Variants in KLHL28 observed in about 807,000 individuals in gnomAD.
KLHL28 encodes the protein kelch-like protein 28.
KLHL28 carries 22 observed loss-of-function variants against 48.3 expected under a neutral mutation model. The observed-to-expected ratio is 0.46, with a 90% confidence interval of 0.33 to 0.65. The LOEUF is 0.65. KLHL28 is among the 30% of genes least tolerant of loss of function. The probability of loss-of-function intolerance (pLI) is 0.03; values close to 1 mark genes in which losing one functional copy is unlikely to be tolerated. For synonymous variants in KLHL28, 243 were observed against 242.4 expected (o/e 1.00, Z -0.02); for missense variants, 527 against 704.3 (o/e 0.75, Z 2.85).
At chr14:44,948,333 G>C (rs555997230) in intron 1 of KLHL28, among the ~76,000 whole-genome samples, 3 of 152,216 alleles carry the variant, frequency 2.0e-5, no homozygotes, top group African/African-American at 7.2e-5. Context: ...TTGTACTACA[G>C]TAGTACTATG....
chr14:44,954,962 A>C (rs1355063060), intron 1 of KLHL28, among the ~76,000 whole-genome samples: 1 of 152,208 alleles, frequency 6.6e-6, no homozygotes, highest in Non-Finnish European at 1.5e-5. Flanking sequence ...TATATATCTT[A>C]TGCTGTTTTC....
At chr14:44,942,076 T>A (rs74908616) in intron 2 of KLHL28, among the ~76,000 whole-genome samples, 1 of 152,178 alleles carries the variant, frequency 6.6e-6, no homozygotes, top group African/African-American at 2.4e-5. Context: ...CCAGCTACCA[T>A]AGAATATCCT....
In KLHL28 at chr14:44,945,271, A is replaced by G. The variant is rs1024244397; in HGVS notation, c.658T>C (p.Leu220=). The part of the protein sequence containing the change: ...VQERQKYLAQ[L]LNSVRLPLLS... ...AATGGTAATCGTACACTGTTTAGTA[A>G]CTGTGCTAAGTATTTCTGGCGTTCT... Residue 220 remains leucine (L), a synonymous_variant, in exon 2 of 5, where the codon TTA becomes CTA. Transcript: ENST00000396128. 3 of 1,614,166 alleles carry G rather than the reference A, an allele frequency of 1.9e-6. No homozygotes were observed. In the Admixed American group the frequency reaches 5.0e-5, roughly 27 times the overall value.
chr14:44,929,975 T>C (rs1352300944), intron 4 of KLHL28, among the ~76,000 whole-genome samples: 1 of 152,144 alleles, frequency 6.6e-6, no homozygotes, highest in Non-Finnish European at 1.5e-5. Flanking sequence ...AATCATTTTA[T>C]GAGGTTTTCA....
intron 1 of KLHL28, among the ~76,000 whole-genome samples, chr14:44,955,084 G>A (rs1322084766): frequency 6.6e-6 from 1 of 151,944 alleles, no homozygotes; most frequent in Non-Finnish European, 1.5e-5. Context: ...CAACCCTAGG[G>A]TCACTGTGAT....
At position 44,934,363 on chromosome 14, in the gene KLHL28, A is replaced by G. The variant is rs774045666; in HGVS notation, c.1095T>C (p.Thr365=). 20 of 1,614,030 alleles carry G rather than the reference A, an allele frequency of 1.2e-5. No homozygotes were observed. In the South Asian group the frequency reaches 1.3e-4, roughly 11 times the overall value. Residue 365 remains threonine (T), a synonymous_variant, in exon 3 of 5, where the codon ACT becomes ACC. Transcript: ENST00000396128. The part of the protein sequence containing the change: ...SVECWNPDTN[T]WTSLERMNES... ...CATTCATTCTCTCTAGAGAAGTCCA[A>G]GTATTTGTATCAGGATTCCAGCATT...
At chr14:44,947,590 A>C (rs1461712689) in intron 1 of KLHL28, among the ~76,000 whole-genome samples, 1 of 152,210 alleles carries the variant, frequency 6.6e-6, no homozygotes, top group Non-Finnish European at 1.5e-5. Context: ...GGCAATAACG[A>C]AAAAGTACAT....
intron 3 of KLHL28, among the ~76,000 whole-genome samples, chr14:44,933,777 GCAATA>G (rs1246277925): frequency 1.3e-5 from 2 of 152,072 alleles, no homozygotes; most frequent in Non-Finnish European, 2.9e-5. Context: ...ATTCTATTAA[GCAATA>G]CAATAAAAGA....
intron 1 of KLHL28, among the ~76,000 whole-genome samples, chr14:44,951,069 C>T (rs1018020284): frequency 2.6e-5 from 4 of 152,176 alleles, no homozygotes; most frequent in Non-Finnish European, 5.9e-5. Context: ...ATCCTTGTCC[C>T]GCACATCAAA....
chr14:44,930,837 T>A (rs536829490), intron 4 of KLHL28, among the ~76,000 whole-genome samples: 1 of 152,184 alleles, frequency 6.6e-6, no homozygotes, highest in Non-Finnish European at 1.5e-5. Context: ...AGTTCAAAGA[T>A]AACAATTTTT....
At chr14:44,948,252 T>C (rs1025792780) in intron 1 of KLHL28, among the ~76,000 whole-genome samples, 6 of 152,184 alleles carry the variant, frequency 3.9e-5, no homozygotes, top group African/African-American at 1.4e-4. Context: ...TATTCAGGTA[T>C]TAATGTAGCT....
intron 2 of KLHL28, among the ~76,000 whole-genome samples, chr14:44,934,785 C>T (rs1883738713): frequency 6.6e-6 from 1 of 152,166 alleles, no homozygotes; most frequent in Admixed American, 6.5e-5. Flanking sequence ...GTATAAATTA[C>T]TCTGGAAAAC....
chr14:44,958,813 T>A (rs999547562), intron 1 of KLHL28, among the ~76,000 whole-genome samples: 63 of 152,094 alleles, frequency 4.1e-4, no homozygotes, highest in Non-Finnish European at 7.1e-4. Context: ...GTAATTAATA[T>A]GTAATACAAG....
At chr14:44,953,185 ATC>A (rs1358007057) in intron 1 of KLHL28, among the ~76,000 whole-genome samples, 1 of 152,238 alleles carries the variant, frequency 6.6e-6, no homozygotes, top group Non-Finnish European at 1.5e-5. Flanking sequence ...TAAAGGTGGA[ATC>A]TCTGCGAGGG....
rs1273562417 is a variant in KLHL28 at position 44,951,790 on chromosome 14, G to A, written c.1-5862C>T. On this transcript the variant is annotated intron_variant, in intron 1 of 4. Transcript: ENST00000396128. ...CAACTAGCAACTTCAACAAGGCAAG[G>A]TAAAAATAGGGAACTTAAAATGAAT... Among the ~76,000 whole-genome samples, 42 of 152,164 alleles carry A rather than the reference G, an allele frequency of 2.8e-4. 2 individuals carry two copies. Among genetic ancestry groups the A allele is most frequent in the Admixed American group, 2.8e-3 (42 of 15,270 alleles).
intron 2 of KLHL28, among the ~76,000 whole-genome samples, chr14:44,937,132 T>C (rs914497841): frequency 2.0e-5 from 3 of 151,988 alleles, no homozygotes; most frequent in African/African-American, 7.2e-5. Flanking sequence ...GAATTGTTTT[T>C]TTTGTTTGTT....
Position 44,927,248 on chromosome 14 carries a change from T to C in KLHL28, c.*1780A>G, listed in dbSNP as rs1307388262. ...TGATTTTACATAGTTTTGTAGTATA[T>C]ATTCAAATCTACAACTGGCAGTTTA... On this transcript the variant is annotated 3_prime_UTR_variant, in exon 5 of 5. Coordinates refer to ENST00000396128, the MANE Select transcript of KLHL28 (RefSeq NM_017658.5). 4 of 152,628 alleles carry C rather than the reference T, an allele frequency of 2.6e-5. No homozygotes were observed. The highest frequency in any genetic ancestry group is 5.9e-5 in the Non-Finnish European group (4 of 68,018). 9.5% of individuals were successfully genotyped at this position (152,628 alleles called of 1,614,324 possible).
Position 44,924,664 on chromosome 14 carries a change from C to T in KLHL28, c.*4364G>A, listed in dbSNP as rs1883320953. Reference sequence around the variant, plus strand: ...TCAAAACCGTTGCTGGTTTATAATACACAGCACAATTCATAAGGCAAAAAT... The same window carrying T: ...TCAAAACCGTTGCTGGTTTATAATATACAGCACAATTCATAAGGCAAAAAT... On this transcript the variant is annotated 3_prime_UTR_variant, in exon 5 of 5. Coordinates refer to ENST00000396128, the MANE Select transcript of KLHL28 (RefSeq NM_017658.5). 6.6e-6 allele frequency: 1 copy of T among 152,594 alleles called. No individual in the cohort carries two copies. The highest frequency in any genetic ancestry group is 1.5e-5 in the Non-Finnish European group (1 of 68,020). 9.5% of individuals were successfully genotyped at this position (152,594 alleles called of 1,614,324 possible).
At chr14:44,957,232 T>C (rs1024898594) in intron 1 of KLHL28, among the ~76,000 whole-genome samples, 4 of 152,238 alleles carry the variant, frequency 2.6e-5, no homozygotes, top group African/African-American at 9.6e-5. Flanking sequence ...TTGATAACTA[T>C]TGAAGATGCG....
Sources: allele counts gnomAD v4.1 joint callset (sites outside exome capture counted in the v4.1 genomes callset), GRCh38; gene constraint gnomAD v4.1.1; transcripts MANE v1.5; gene names NCBI Gene and HGNC (gene_info 2026-07-23, HGNC 2026-07-21).